The following STMN2 variants were observed in gnomAD, a reference collection of about 807,000 sequenced individuals.
The protein encoded by STMN2 is stathmin-2.
In STMN2, 2 loss-of-function variants were observed where a neutral mutation model predicts 24.1. That is an observed-to-expected ratio of 0.08 (90% CI 0.03 to 0.26). The LOEUF (loss-of-function observed/expected upper bound fraction) is 0.26. Ranked by LOEUF, STMN2 falls within the 10% of genes least tolerant of loss-of-function variation. STMN2 has a pLI of 1.00. For synonymous variants in STMN2, 83 were observed against 77.5 expected, an observed-to-expected ratio of 1.07 and a Z score of -0.37; for missense variants, 114 against 213.6, an observed-to-expected ratio of 0.53 and a Z score of 2.91.
chr8:79,614,930 T>A (rs1809349325), intron 1 of STMN2, among the ~76,000 whole-genome samples: 1 of 152,196 alleles, frequency 6.6e-6, no homozygotes, highest in African/African-American at 2.4e-5. Flanking sequence ...ATGACTTCCA[T>A]CAAATAGCTC....
chr8:79,648,322 G>T (rs527846944), intron 3 of STMN2, among the ~76,000 whole-genome samples: 1 of 152,260 alleles, frequency 6.6e-6, no homozygotes, highest in East Asian at 1.9e-4. Flanking sequence ...TGGTAAAAGG[G>T]TTAGCAATTA....
chr8:79,657,331 C>T (rs1806398924), intron 4 of STMN2, among the ~76,000 whole-genome samples: 1 of 151,970 alleles, frequency 6.6e-6, no homozygotes, highest in African/African-American at 2.4e-5. Context: ...CATTTTTGTA[C>T]TCTTTCCACT....
intron 3 of STMN2, 53 bp downstream of exon 3, chr8:79,641,603 C>T (rs1810096204): frequency 1.3e-6 from 2 of 1,514,336 alleles, no homozygotes; most frequent in Admixed American, 3.7e-5. Flanking sequence ...GCTCCTCCCT[C>T]TCACACACTC....
At chr8:79,616,711 ATAT>A (rs1366703980) in intron 1 of STMN2, among the ~76,000 whole-genome samples, 1 of 152,340 alleles carries the variant, frequency 6.6e-6, no homozygotes, top group East Asian at 1.9e-4. Context: ...TCTTTACAAA[ATAT>A]TTTACTTCCG....
chr8:79,652,131 A>T (rs536806010), intron 3 of STMN2, among the ~76,000 whole-genome samples: 1 of 152,338 alleles, frequency 6.6e-6, no homozygotes, highest in East Asian at 1.9e-4. Flanking sequence ...CACGGCACTT[A>T]GAGAATGTTG....
chr8:79,626,217 T>C (rs187671038), intron 1 of STMN2, among the ~76,000 whole-genome samples: 2 of 152,284 alleles, frequency 1.3e-5, no homozygotes, highest in Non-Finnish European at 2.9e-5. Flanking sequence ...TACCCTGGGG[T>C]AGCTAACATT....
At chr8:79,611,871 T>C (rs536569107) in intron 1 of STMN2, 42 of 229,152 alleles carry the variant, frequency 1.8e-4, no homozygotes, top group African/African-American at 1.0e-3. Flanking sequence ...AGAGAGGAAG[T>C]CGCGGAGGGC....
At chr8:79,628,661 C>A (rs1248464944) in intron 1 of STMN2, among the ~76,000 whole-genome samples, 3 of 152,128 alleles carry the variant, frequency 2.0e-5, no homozygotes, top group Non-Finnish European at 2.9e-5. Context: ...GATTAGTGAT[C>A]TTGTGCCTTT....
chr8:79,647,021 A>T (rs1310352710), intron 3 of STMN2, among the ~76,000 whole-genome samples: 1 of 152,074 alleles, frequency 6.6e-6, no homozygotes, highest in Non-Finnish European at 1.5e-5. Context: ...TTAGTGTGCA[A>T]ACTCCATTAT....
intron 1 of STMN2, among the ~76,000 whole-genome samples, chr8:79,625,009 GA>G: frequency 6.6e-6 from 1 of 152,108 alleles, no homozygotes; most frequent in Admixed American, 6.5e-5. Context: ...AGCACTTTGA[GA>G]CATGTCTCAT....
intron 3 of STMN2, among the ~76,000 whole-genome samples, chr8:79,653,890 T>A (rs975273496): frequency 6.6e-6 from 1 of 152,206 alleles, no homozygotes; most frequent in East Asian, 1.9e-4. Flanking sequence ...AGCTGCATAA[T>A]GGGGAGAATA....
intron 1 of STMN2, among the ~76,000 whole-genome samples, chr8:79,616,053 G>A (rs1809375206): frequency 6.6e-6 from 1 of 152,180 alleles, no homozygotes; most frequent in Non-Finnish European, 1.5e-5. Flanking sequence ...CCCCTGTTCA[G>A]AGCACATCTG....
At chr8:79,621,059 G>C (rs1453772656) in intron 1 of STMN2, 1 of 981,070 alleles carries the variant, frequency 1.0e-6, no homozygotes, top group Non-Finnish European at 1.2e-6. Context: ...CAGAGTCTAA[G>C]TCCCCATCAG....
chr8:79,641,714 G>A (rs945690082), intron 3 of STMN2, among the ~76,000 whole-genome samples, 164 bp downstream of exon 3: 2 of 149,994 alleles, frequency 1.3e-5, no homozygotes, highest in Non-Finnish European at 3.0e-5. Flanking sequence ...ATGCCAACAT[G>A]TATAGGTTTT....
At chr8:79,662,505 C>T (rs916388789) in intron 4 of STMN2, among the ~76,000 whole-genome samples, 1 of 152,072 alleles carries the variant, frequency 6.6e-6, no homozygotes. Flanking sequence ...TGTTCTCCCA[C>T]ATTTTGATAT....
intron 1 of STMN2, among the ~76,000 whole-genome samples, chr8:79,616,118 G>A (rs1809376430): frequency 6.6e-6 from 1 of 152,178 alleles, no homozygotes; most frequent in Non-Finnish European, 1.5e-5. Flanking sequence ...AAAACAGGCA[G>A]GTATGTGATA....
At chr8:79,647,617 G>A (rs1810245760) in intron 3 of STMN2, among the ~76,000 whole-genome samples, 1 of 152,214 alleles carries the variant, frequency 6.6e-6, no homozygotes, top group African/African-American at 2.4e-5. Context: ...CTGACCATCT[G>A]GTTACTAGGT....
At chr8:79,632,907 T>C (rs1321750013) in intron 1 of STMN2, among the ~76,000 whole-genome samples, 2 of 152,250 alleles carry the variant, frequency 1.3e-5, no homozygotes, top group African/African-American at 4.8e-5. Flanking sequence ...AAAAAATCTT[T>C]CTAAGAAGTC....
At chr8:79,634,614 A>G (rs964546957) in intron 1 of STMN2, among the ~76,000 whole-genome samples, 13 of 152,330 alleles carry the variant, frequency 8.5e-5, no homozygotes, top group African/African-American at 3.1e-4. Flanking sequence ...AGATTGATTT[A>G]CTGCAATTTA....
Sources: allele counts gnomAD v4.1 joint callset (sites outside exome capture counted in the v4.1 genomes callset), GRCh38; gene constraint gnomAD v4.1.1; transcripts MANE v1.5; gene names NCBI Gene and HGNC (gene_info 2026-07-23, HGNC 2026-07-21).